Variants in SLC24A3 observed in about 807,000 individuals in gnomAD.
SLC24A3 encodes solute carrier family 24 member 3, also known as sodium/potassium/calcium exchanger 3.
In SLC24A3, 28 loss-of-function variants were observed where a neutral mutation model predicts 75.8. The observed-to-expected ratio is 0.37, with a 90% CI of 0.27 to 0.51. SLC24A3 has a LOEUF of 0.51. Among genes scored for constraint, SLC24A3 ranks in the 20% least tolerant of loss-of-function variants. The pLI is 0.94. For missense variants in SLC24A3, 663 were observed against 847.8 expected (o/e 0.78, Z 2.71); for synonymous variants, 372 against 334.1 (o/e 1.11, Z -1.24).
At position 19,585,198 on chromosome 20, in the gene SLC24A3, C is replaced by T. The variant is rs1410261204; in HGVS notation, c.508+143C>T. ...ACCCCAATGAGTAGAACATCAGCCTCCCATCTGCCGTTGTTGTTTTATTTA... is the reference window on the plus strand; with the variant it reads ...ACCCCAATGAGTAGAACATCAGCCTTCCATCTGCCGTTGTTGTTTTATTTA... On this transcript the variant is annotated intron_variant, in intron 5 of 16. Transcript: ENST00000328041. The T allele has an allele frequency of 5.1e-6, 4 of 787,056 alleles. No individual in the cohort carries two copies. The South Asian group carries it at 5.4e-5, about 11-fold the overall frequency. The allele number at this position is 787,056 out of a possible 1,614,324, so 48.8% of individuals were successfully genotyped here. A position where few individuals can be genotyped will look rare whatever the true frequency, so the allele number is the denominator to read the frequency against.
intron 2 of SLC24A3, among the ~76,000 whole-genome samples, chr20:19,438,379 C>T (rs867946289): frequency 3.7e-4 from 57 of 152,188 alleles, no homozygotes; most frequent in African/African-American, 1.3e-3. Flanking sequence ...CTTCAATGTC[C>T]GGCTCCTGGC....
intron 2 of SLC24A3, among the ~76,000 whole-genome samples, chr20:19,488,045 C>T (rs1417378398): frequency 4.6e-5 from 7 of 152,214 alleles, no homozygotes; most frequent in Non-Finnish European, 1.0e-4. Flanking sequence ...CAAATAGGCC[C>T]TTATGGACCT....
intron 2 of SLC24A3, among the ~76,000 whole-genome samples, chr20:19,464,833 A>T (rs1987737747): frequency 6.6e-6 from 1 of 152,194 alleles, no homozygotes; most frequent in Non-Finnish European, 1.5e-5. Flanking sequence ...GAGTACGATC[A>T]TGGGTATACT....
At chr20:19,664,733 A>G (rs2032377318) in intron 7 of SLC24A3, among the ~76,000 whole-genome samples, 1 of 152,234 alleles carries the variant, frequency 6.6e-6, no homozygotes, top group Non-Finnish European at 1.5e-5. Context: ...TCTAAAGGAA[A>G]GGCCGCTCTG....
chr20:19,451,056 C>T (rs1200486623), intron 2 of SLC24A3, among the ~76,000 whole-genome samples: 1 of 152,042 alleles, frequency 6.6e-6, no homozygotes, highest in African/African-American at 2.4e-5. Context: ...TGTTAATGCT[C>T]CATTATGTGA....
intron 2 of SLC24A3, among the ~76,000 whole-genome samples, chr20:19,390,936 C>T (rs1986354815): frequency 6.6e-6 from 1 of 152,110 alleles, no homozygotes; most frequent in African/African-American, 2.4e-5. Context: ...GGAAGTGTAG[C>T]AGGTCTGAGG....
At chr20:19,459,141 G>A (rs965079553) in intron 2 of SLC24A3, among the ~76,000 whole-genome samples, 2 of 152,178 alleles carry the variant, frequency 1.3e-5, no homozygotes, top group African/African-American at 2.4e-5. Context: ...ATCCTTCTTG[G>A]TTGACTTGAA....
At chr20:19,471,488 T>A (rs952486166) in intron 2 of SLC24A3, among the ~76,000 whole-genome samples, 5 of 151,782 alleles carry the variant, frequency 3.3e-5, no homozygotes, top group Non-Finnish European at 7.3e-5. Context: ...TGAATGCATG[T>A]GTGTTCAAGG....
intron 3 of SLC24A3, among the ~76,000 whole-genome samples, chr20:19,519,691 A>G (rs994152146): frequency 6.6e-6 from 1 of 152,224 alleles, no homozygotes; most frequent in African/African-American, 2.4e-5. Flanking sequence ...GGAAATTTGC[A>G]CCCTATAGAT....
chr20:19,478,523 G>GC (rs1466115507), intron 2 of SLC24A3, among the ~76,000 whole-genome samples: 1 of 152,082 alleles, frequency 6.6e-6, no homozygotes, highest in Non-Finnish European at 1.5e-5. Context: ...AAGAACCACA[G>GC]CCCCCCATCC....
intron 6 of SLC24A3, among the ~76,000 whole-genome samples, chr20:19,619,234 T>A (rs1310979399): frequency 1.3e-5 from 2 of 152,156 alleles, no homozygotes; most frequent in African/African-American, 2.4e-5. Flanking sequence ...GGCTTTCTCC[T>A]TGGTTTGCTC....
chr20:19,234,258 C>T (rs1455164748), intron 1 of SLC24A3, among the ~76,000 whole-genome samples: 2 of 152,248 alleles, frequency 1.3e-5, no homozygotes, highest in East Asian at 3.9e-4. Context: ...GTCATGGGCC[C>T]CTCCCCAACC....
intron 6 of SLC24A3, among the ~76,000 whole-genome samples, chr20:19,601,251 G>A (rs1363155239): frequency 6.6e-6 from 1 of 152,192 alleles, no homozygotes; most frequent in African/African-American, 2.4e-5. Flanking sequence ...TGTCTGGGCG[G>A]TGGTCCCAAT....
chr20:19,699,404 T>G (rs1250481968), intron 15 of SLC24A3, among the ~76,000 whole-genome samples: 1 of 152,266 alleles, frequency 6.6e-6, no homozygotes, highest in African/African-American at 2.4e-5. Flanking sequence ...CAGGCTCTTA[T>G]GAATTGACTC....
intron 2 of SLC24A3, among the ~76,000 whole-genome samples, chr20:19,298,403 A>G (rs1399232890): frequency 6.6e-6 from 1 of 152,206 alleles, no homozygotes; most frequent in Non-Finnish European, 1.5e-5. Context: ...CTTGAGATGC[A>G]TAAATGACAT....
At chr20:19,628,948 A>G (rs2031900360) in intron 6 of SLC24A3, among the ~76,000 whole-genome samples, 1 of 143,842 alleles carries the variant, frequency 7.0e-6, no homozygotes, top group Non-Finnish European at 1.6e-5. Flanking sequence ...TCAACAAAAT[A>G]TCGTAAGACA....
At chr20:19,611,654 G>A (rs7269781) in intron 6 of SLC24A3, among the ~76,000 whole-genome samples, 6,562 of 152,268 alleles carry the variant, frequency 0.043, 498 homozygotes, top group African/African-American at 0.15. Context: ...GGAAATCATA[G>A]TAAGAGTGCA....
chr20:19,568,974 G>T (rs966426836), intron 3 of SLC24A3, among the ~76,000 whole-genome samples: 6 of 152,104 alleles, frequency 3.9e-5, no homozygotes, highest in African/African-American at 1.4e-4. Context: ...AACTAGGTTT[G>T]CTTTCCTCTA....
intron 2 of SLC24A3, among the ~76,000 whole-genome samples, chr20:19,447,889 A>T (rs1031977185): frequency 2.7e-4 from 41 of 152,214 alleles, no homozygotes; most frequent in Admixed American, 2.0e-3. Context: ...CAGAGTGGGT[A>T]CTTCGTGAAG....
Sources: allele counts gnomAD v4.1 joint callset (sites outside exome capture counted in the v4.1 genomes callset), GRCh38; gene constraint gnomAD v4.1.1; transcripts MANE v1.5; gene names NCBI Gene and HGNC (gene_info 2026-07-23, HGNC 2026-07-21).